DOK7: variants seen among roughly 807,000 people sequenced by gnomAD.
DOK7 encodes the protein docking protein 7, also known as protein Dok-7.
A neutral mutation model predicts 30.7 loss-of-function variants in DOK7; 32 were observed. That is an observed-to-expected ratio of 1.04 (90% CI 0.79 to 1.40). The LOEUF is 1.40. Among genes scored for constraint, DOK7 ranks in the 40% most tolerant of loss-of-function variants. The probability of loss-of-function intolerance (pLI) is 0.00; values close to 1 mark genes in which losing one functional copy is unlikely to be tolerated. For missense variants in DOK7, 1,007 were observed against 699.2 expected, an observed-to-expected ratio of 1.44 and a Z score of -4.97; for synonymous variants, 447 against 324.1, an observed-to-expected ratio of 1.38 and a Z score of -4.07.
downstream of DOK7, among the ~76,000 whole-genome samples, chr4:3,496,290 C>G (rs1300083999): frequency 6.7e-6 from 1 of 149,346 alleles, no homozygotes. Flanking sequence ...CTTTGCTCAT[C>G]TCATCTGGGG....
downstream of DOK7, among the ~76,000 whole-genome samples, chr4:3,498,282 G>A (rs985394680): frequency 6.6e-6 from 1 of 152,212 alleles, no homozygotes; most frequent in Non-Finnish European, 1.5e-5. Flanking sequence ...GGGCCCTGGA[G>A]CCAGTGGCCT....
downstream of DOK7, among the ~76,000 whole-genome samples, chr4:3,497,392 GGGGCCAGGTTGGGAGGGA>G (rs1318259881): frequency 6.6e-6 from 1 of 152,054 alleles, no homozygotes; most frequent in African/African-American, 2.4e-5. Flanking sequence ...GTGCAGTTTT[GGGGCCAGGTTGGGAGGGA>G]GGGCCAGGCA....
At chr4:3,484,796 G>A (rs1245948044) in intron 4 of DOK7, 2 of 985,548 alleles carry the variant, frequency 2.0e-6, no homozygotes, top group African/African-American at 3.5e-5. Context: ...AGGAGGTGGG[G>A]AGGACGCGGT....
rs1435561308 is a variant in DOK7 at position 3,489,681 on chromosome 4, A to T, written c.657A>T (p.Pro219=). ...CGAGTCTTCTCTCTGCCACAGACCC[A>T]AGTCCCCCGGGACCCTCGACTGTGG... The part of the protein sequence containing the change: ...PFGLRPVLPD[P]SPPGPSTVEE... The change falls in exon 6 of 7, where the codon CCA becomes CCT. Residue 219 remains proline (P), a synonymous_variant. Coordinates refer to ENST00000340083, the MANE Select transcript of DOK7 (RefSeq NM_173660.5). The T allele has an allele frequency of 6.4e-7, 1 of 1,565,990 alleles. No homozygotes were observed. The highest frequency in any genetic ancestry group is 1.9e-5 in the Admixed American group (1 of 53,368).
chr4:3,492,106 A>G (rs536638881), intron 6 of DOK7, among the ~76,000 whole-genome samples: 1 of 152,258 alleles, frequency 6.6e-6, no homozygotes, highest in South Asian at 2.1e-4. Context: ...CAGCTTAGAG[A>G]CGCAGCAGAG....
intron 4 of DOK7, among the ~76,000 whole-genome samples, chr4:3,481,667 C>T (rs1211604763): frequency 6.6e-6 from 1 of 152,136 alleles, no homozygotes; most frequent in African/African-American, 2.4e-5. Flanking sequence ...TGGCATGAGC[C>T]ATCCAGGACA....
intron 2 of DOK7, among the ~76,000 whole-genome samples, chr4:3,467,136 C>T (rs1174512125): frequency 6.6e-6 from 1 of 152,090 alleles, no homozygotes; most frequent in Non-Finnish European, 1.5e-5. Context: ...CCTCCAAAGG[C>T]TGTCCCGCAG....
At chr4:3,464,099 G>A (rs1489861658) in intron 2 of DOK7, among the ~76,000 whole-genome samples, 2 of 152,198 alleles carry the variant, frequency 1.3e-5, no homozygotes, top group Non-Finnish European at 2.9e-5. Flanking sequence ...CTTGGGGAGG[G>A]TCAGCATGGA....
At chr4:3,474,373 C>G (rs1421285320) in intron 3 of DOK7, among the ~76,000 whole-genome samples, 1 of 152,208 alleles carries the variant, frequency 6.6e-6, no homozygotes, top group African/African-American at 2.4e-5. Flanking sequence ...CACAGCTGCC[C>G]TCCCTTTAAA....
At chr4:3,465,276 G>A (rs927513096) in intron 2 of DOK7, among the ~76,000 whole-genome samples, 6 of 152,114 alleles carry the variant, frequency 3.9e-5, no homozygotes, top group African/African-American at 7.2e-5. Flanking sequence ...CCTCCTCTCC[G>A]CTCAGAGGCC....
rs141399316 is a variant in DOK7, at chr4:3,465,091, A to G, written c.100+1540A>G. 4.3e-3 allele frequency among the ~76,000 whole-genome samples: 654 copies of G among 152,188 alleles called. 8 individuals carry two copies. Among genetic ancestry groups the G allele is most frequent in the African/African-American group, 0.015 (619 of 41,506 alleles). On this transcript the variant is annotated intron_variant, in intron 2 of 6. Coordinates refer to ENST00000340083, the MANE Select transcript of DOK7 (RefSeq NM_173660.5). ...GGCCAGGTGTCCCTAGCACCCACTGACTCACTGGCCTGGGACCCATTGCTT... is the reference window on the plus strand; with the variant it reads ...GGCCAGGTGTCCCTAGCACCCACTGGCTCACTGGCCTGGGACCCATTGCTT...
At chr4:3,496,342 C>A (rs575977225), downstream of DOK7, among the ~76,000 whole-genome samples, 2 of 152,346 alleles carry the variant, frequency 1.3e-5, no homozygotes, top group African/African-American at 4.8e-5. Context: ...CCCTGCGGAG[C>A]CTTCCCCACC....
intron 3 of DOK7, among the ~76,000 whole-genome samples, chr4:3,475,705 G>A (rs1451906571): frequency 6.6e-6 from 1 of 152,184 alleles, no homozygotes; most frequent in Non-Finnish European, 1.5e-5. Context: ...ACCCGAACTG[G>A]AGGCTGGGGG....
Position 3,493,000 on chromosome 4 carries a change from C to T in DOK7, c.1014C>T (p.Ser338=), listed in dbSNP as rs768867580. ...QEVGRQSSSD[S]GIATGSHSSY... ...TTGGCCGCCAGAGCTCCTCGGACAG[C>T]GGCATCGCCACTGGCAGCCACTCCT... Residue 338 remains serine (S), a synonymous_variant, in exon 7 of 7, where the codon AGC becomes AGT. Transcript: ENST00000340083. 77 of 1,560,454 alleles carry T rather than the reference C, an allele frequency of 4.9e-5. No homozygotes were observed. The highest frequency in any genetic ancestry group is 1.9e-4 in the East Asian group (8 of 42,440).
chr4:3,466,887 C>A (rs529878830), intron 2 of DOK7, among the ~76,000 whole-genome samples: 1 of 152,216 alleles, frequency 6.6e-6, no homozygotes, highest in Non-Finnish European at 1.5e-5. Flanking sequence ...GGCACCCTCA[C>A]GCGTTTCCTT....
intron 2 of DOK7, among the ~76,000 whole-genome samples, chr4:3,468,839 G>T (rs917652111): frequency 1.3e-5 from 2 of 149,972 alleles, no homozygotes; most frequent in Non-Finnish European, 3.0e-5. Context: ...GTGTGTGTGC[G>T]TGTATGTGTG....
chr4:3,469,958 G>T (rs1211562224), intron 2 of DOK7, among the ~76,000 whole-genome samples: 2 of 152,214 alleles, frequency 1.3e-5, no homozygotes, highest in Non-Finnish European at 2.9e-5. Context: ...AAATGAAATC[G>T]GTGGTTTGGG....
rs1468806254 is a variant in DOK7 at position 3,493,995 on chromosome 4, C to T, written c.*494C>T. On this transcript the variant is annotated 3_prime_UTR_variant, in exon 7 of 7. Coordinates refer to ENST00000340083, the MANE Select transcript of DOK7 (RefSeq NM_173660.5). ...CCACCTGGGCTCCACCAGCCCAGCC[C>T]CCCTGGGCTCCGTGTGCGCTGGGCC... 1.0e-6 allele frequency: 1 copy of T among 973,066 alleles called. No individual in the cohort carries two copies. The highest frequency in any genetic ancestry group is 1.2e-6 in the Non-Finnish European group (1 of 828,704). 60.3% of individuals were successfully genotyped at this position (973,066 alleles called of 1,614,324 possible). A position where few individuals can be genotyped will look rare whatever the true frequency, so the allele number is the denominator to read the frequency against.
At chr4:3,478,157 C>T (rs1046160876) in intron 4 of DOK7, among the ~76,000 whole-genome samples, 3 of 152,174 alleles carry the variant, frequency 2.0e-5, no homozygotes, top group South Asian at 2.1e-4. Flanking sequence ...GGCAGCCGGC[C>T]GGGGTGGCGC....
Sources: allele counts gnomAD v4.1 joint callset (sites outside exome capture counted in the v4.1 genomes callset), GRCh38; gene constraint gnomAD v4.1.1; transcripts MANE v1.5; gene names NCBI Gene and HGNC (gene_info 2026-07-23, HGNC 2026-07-21).